The following DLGAP1 variants were observed in gnomAD, a reference collection of about 807,000 sequenced individuals.
DLGAP1 encodes the protein DLG associated protein 1.
Under a neutral mutation model 90.8 loss-of-function variants are expected in DLGAP1, and 11 were observed. The observed-to-expected ratio is 0.12, with a 90% CI of 0.08 to 0.20. The LOEUF (loss-of-function observed/expected upper bound fraction) is 0.20, where lower values mean the gene tolerates loss of function less well. Ranked by LOEUF, DLGAP1 falls within the 10% of genes least tolerant of loss-of-function variation. DLGAP1 has a pLI of 1.00. For missense variants in DLGAP1, 1,050 were observed against 1,333.8 expected (o/e 0.79, Z 3.31); for synonymous variants, 558 against 540.7 (o/e 1.03, Z -0.44).
chr18:3,953,377 C>T (rs549989226), intron 3 of DLGAP1, among the ~76,000 whole-genome samples: 5 of 152,180 alleles, frequency 3.3e-5, no homozygotes, highest in East Asian at 1.9e-4. Context: ...TTATTTCATT[C>T]GATATGTGTA....
intron 9 of DLGAP1, among the ~76,000 whole-genome samples, chr18:3,549,995 C>T (rs2053291389): frequency 6.6e-6 from 1 of 152,184 alleles, no homozygotes; most frequent in Admixed American, 6.5e-5. Flanking sequence ...CTCACCACAA[C>T]CTCCACCTTT....
intron 1 of DLGAP1, among the ~76,000 whole-genome samples, chr18:4,160,112 TATCTTATA>T (rs1049329709): frequency 6.6e-6 from 1 of 152,250 alleles, no homozygotes; most frequent in Non-Finnish European, 1.5e-5. Context: ...TATTTGGTAA[TATCTTATA>T]ATCTGTGTGC....
At chr18:3,725,072 C>A (rs1322553930) in intron 7 of DLGAP1, among the ~76,000 whole-genome samples, 1 of 152,134 alleles carries the variant, frequency 6.6e-6, no homozygotes, top group African/African-American at 2.4e-5. Context: ...ATCTCTTTAC[C>A]ATCTGCCTCT....
intron 5 of DLGAP1, among the ~76,000 whole-genome samples, chr18:3,757,511 C>T (rs546007063): frequency 1.8e-4 from 27 of 152,204 alleles, no homozygotes; most frequent in Non-Finnish European, 2.8e-4. Context: ...CAATAGTAAA[C>T]GGAATCCCAC....
chr18:3,758,255 C>T (rs2063800318), intron 5 of DLGAP1, among the ~76,000 whole-genome samples: 1 of 152,100 alleles, frequency 6.6e-6, no homozygotes, highest in African/African-American at 2.4e-5. Flanking sequence ...GTATTCAAAC[C>T]TGACCAATGA....
At chr18:4,428,607 G>A (rs115114451) in intron 1 of DLGAP1, among the ~76,000 whole-genome samples, 1,524 of 151,904 alleles carry the variant, frequency 0.01, 30 homozygotes, top group African/African-American at 0.035. Context: ...CACCTCCCCC[G>A]TCTCTCTCTT....
intron 3 of DLGAP1, among the ~76,000 whole-genome samples, chr18:3,897,936 A>C (rs897360628): frequency 6.6e-6 from 1 of 151,540 alleles, no homozygotes; most frequent in Admixed American, 6.6e-5. Flanking sequence ...CTGGGACTAC[A>C]GGCGCCCGCC....
intron 1 of DLGAP1, among the ~76,000 whole-genome samples, chr18:4,400,013 C>A (rs1253071287): frequency 6.6e-6 from 1 of 152,152 alleles, no homozygotes; most frequent in Non-Finnish European, 1.5e-5. Flanking sequence ...GGGATGTCAA[C>A]AAATCGAGGA....
intron 1 of DLGAP1, among the ~76,000 whole-genome samples, chr18:4,210,207 AG>A (rs2077813151): frequency 6.6e-6 from 1 of 152,300 alleles, no homozygotes; most frequent in East Asian, 1.9e-4. Flanking sequence ...AGCTCCCTGA[AG>A]GGTGGCACCA....
At chr18:4,092,300 G>A (rs1302665118) in intron 2 of DLGAP1, among the ~76,000 whole-genome samples, 3 of 152,156 alleles carry the variant, frequency 2.0e-5, no homozygotes, top group Admixed American at 6.5e-5. Context: ...TTATAAGGCC[G>A]ACGGGAGTGG....
intron 7 of DLGAP1, among the ~76,000 whole-genome samples, chr18:3,669,151 A>T (rs113245095): frequency 3.3e-5 from 4 of 120,166 alleles, no homozygotes; most frequent in African/African-American, 1.1e-4. Flanking sequence ...AAGACAACGC[A>T]GACTGGTATT....
At chr18:4,237,626 G>C (rs1228775132) in intron 1 of DLGAP1, among the ~76,000 whole-genome samples, 1 of 151,512 alleles carries the variant, frequency 6.6e-6, no homozygotes, top group Non-Finnish European at 1.5e-5. Flanking sequence ...ATTCTTGCTT[G>C]CTTATGTTAT....
chr18:3,534,221 C>G lies in DLGAP1; in HGVS notation c.2452G>C (p.Glu818Gln). 1 of 1,613,998 alleles carries G rather than the reference C, an allele frequency of 6.2e-7. No homozygotes were observed. The highest frequency in any genetic ancestry group is 8.5e-7 in the Non-Finnish European group (1 of 1,179,920). The change falls in exon 10 of 13, where the codon GAA becomes CAA. Residue 818 changes from glutamate to glutamine, a missense_variant. Physicochemically the swap from Glu to Gln is conservative, Grantham distance 29. Transcript: ENST00000315677. The part of the protein sequence containing the change: ...EGWCQQMERE[E>Q]RENNLPEDIL... Reference sequence around the variant, plus strand: ...TCTTCGGGCAGGTTGTTTTCCCGTTCTTCCCGCTCCATCTGTTGACACCAC... The same window carrying G: ...TCTTCGGGCAGGTTGTTTTCCCGTTGTTCCCGCTCCATCTGTTGACACCAC...
At chr18:4,288,246 G>A (rs1215808043) in intron 1 of DLGAP1, among the ~76,000 whole-genome samples, 1 of 152,112 alleles carries the variant, frequency 6.6e-6, no homozygotes, top group Non-Finnish European at 1.5e-5. Flanking sequence ...CACTCCACAA[G>A]AAAGTAGCAC....
chr18:4,051,111 C>T (rs1484953596), intron 2 of DLGAP1, among the ~76,000 whole-genome samples: 1 of 152,184 alleles, frequency 6.6e-6, no homozygotes, highest in African/African-American at 2.4e-5. Flanking sequence ...CTTTTGGGGG[C>T]AGCCTCCTTA....
intron 4 of DLGAP1, among the ~76,000 whole-genome samples, chr18:3,835,978 AC>A (rs2068357030): frequency 6.6e-6 from 1 of 152,190 alleles, no homozygotes; most frequent in Non-Finnish European, 1.5e-5. Context: ...ATTTAACTTG[AC>A]CTTATATACC....
intron 7 of DLGAP1, among the ~76,000 whole-genome samples, chr18:3,721,273 A>G (rs2061972272): frequency 6.6e-6 from 1 of 152,218 alleles, no homozygotes; most frequent in Non-Finnish European, 1.5e-5. Context: ...GGGCACAGAC[A>G]TCTGACCACT....
chr18:4,344,533 C>T (rs1360316309), intron 1 of DLGAP1, among the ~76,000 whole-genome samples: 3 of 152,146 alleles, frequency 2.0e-5, no homozygotes, highest in Non-Finnish European at 4.4e-5. Flanking sequence ...CTTATGTCCT[C>T]ATAGAGAAAA....
intron 3 of DLGAP1, among the ~76,000 whole-genome samples, chr18:3,930,544 G>A (rs2072493497): frequency 2.0e-5 from 3 of 152,158 alleles, no homozygotes; most frequent in Admixed American, 2.0e-4. Context: ...TAGGAAGGGT[G>A]CCGGGTCCCA....
Sources: gnomAD v4.1 joint callset for allele counts (sites outside exome capture counted in the v4.1 genomes callset) on GRCh38, gnomAD v4.1.1 for gene constraint, MANE v1.5 for transcripts, NCBI Gene and HGNC (gene_info 2026-07-23, HGNC 2026-07-21) for gene names.